Variants in ITSN1 observed in about 807,000 individuals in gnomAD.
ITSN1 encodes intersectin 1.
Under a neutral mutation model 239.8 loss-of-function variants are expected in ITSN1, and 58 were observed. The ratio of observed to expected loss-of-function variants is 0.24; its 90% CI spans 0.20 to 0.30. ITSN1 has a LOEUF of 0.30. Among genes scored for constraint, ITSN1 ranks in the 10% least tolerant of loss-of-function variants. The probability of loss-of-function intolerance (pLI) is 1.00; values close to 1 mark genes in which losing one functional copy is unlikely to be tolerated. For missense variants in ITSN1, 1,558 were observed against 2,103.3 expected, an observed-to-expected ratio of 0.74 and a Z score of 5.07; for synonymous variants, 780 against 770.8, an observed-to-expected ratio of 1.01 and a Z score of -0.20.
At chr21:33,869,066 C>T (rs527831183) in intron 33 of ITSN1, among the ~76,000 whole-genome samples, 1 of 152,218 alleles carries the variant, frequency 6.6e-6, no homozygotes, top group East Asian at 1.9e-4. Flanking sequence ...GGCCCAGTGC[C>T]TCTAGGCCTT....
At chr21:33,764,622 T>C (rs77845111) in intron 9 of ITSN1, among the ~76,000 whole-genome samples, 4,518 of 152,252 alleles carry the variant, frequency 0.03, 241 homozygotes, top group African/African-American at 0.1. Context: ...CTCAGACCTA[T>C]ACTCTAGAAG....
intron 33 of ITSN1, among the ~76,000 whole-genome samples, chr21:33,869,178 G>A (rs1285306741): frequency 1.3e-5 from 2 of 152,176 alleles, no homozygotes; most frequent in Non-Finnish European, 2.9e-5. Context: ...TGTTGTAAAG[G>A]ACTGCCCAAG....
At chr21:33,799,210 A>C (rs2063171350) in intron 18 of ITSN1, among the ~76,000 whole-genome samples, 1 of 152,236 alleles carries the variant, frequency 6.6e-6, no homozygotes, top group Admixed American at 6.5e-5. Context: ...AATTATTTTC[A>C]TCTAGGTTTC....
chr21:33,880,586 G>A (rs1180185841), intron 34 of ITSN1, among the ~76,000 whole-genome samples: 1 of 152,152 alleles, frequency 6.6e-6, no homozygotes, highest in African/African-American at 2.4e-5. Flanking sequence ...CTTTCCAGCT[G>A]CCTTTAGCTC....
chr21:33,796,986 A>G lies in ITSN1; in HGVS notation c.1953-393A>G, dbSNP rs149114266. Among the ~76,000 whole-genome samples the G allele has an allele frequency of 7.2e-3, 1,092 of 152,252 alleles. 13 individuals are homozygous for G. Among genetic ancestry groups the G allele is most frequent in the African/African-American group, 0.025 (1,042 of 41,540 alleles). On this transcript the variant is annotated intron_variant, in intron 17 of 39. Coordinates refer to ENST00000381318, the MANE Select transcript of ITSN1 (RefSeq NM_003024.3). Reference sequence around the variant, plus strand: ...CTTTCAACTTCAGGTTTGGGGAGCAATGTGTGTGCATGTAAATGTGTTGTT... The same window carrying G: ...CTTTCAACTTCAGGTTTGGGGAGCAGTGTGTGTGCATGTAAATGTGTTGTT...
intron 8 of ITSN1, among the ~76,000 whole-genome samples, chr21:33,756,420 GA>G (rs890334121): frequency 6.6e-6 from 1 of 151,932 alleles, no homozygotes; most frequent in Non-Finnish European, 1.5e-5. Context: ...GAAAGGAAGG[GA>G]AAAAAATTAG....
chr21:33,871,803 G>A (rs949624937), intron 33 of ITSN1, among the ~76,000 whole-genome samples: 1 of 152,126 alleles, frequency 6.6e-6, no homozygotes, highest in African/African-American at 2.4e-5. Flanking sequence ...TAGGCAGTAT[G>A]GAATAGCAGT....
chr21:33,761,850 C>G, intron 8 of ITSN1, 73 bp from the exon 9 acceptor site: 1 of 1,094,512 alleles, frequency 9.1e-7, no homozygotes. Context: ...TCCACATACG[C>G]AGAACCCTGG....
intron 1 of ITSN1, among the ~76,000 whole-genome samples, chr21:33,679,788 C>T (rs1434843445): frequency 2.1e-5 from 3 of 145,690 alleles, no homozygotes; most frequent in Non-Finnish European, 4.5e-5. Context: ...AGCTCCGCCT[C>T]CCAGGTTCAT....
At chr21:33,807,394 G>A (rs2072540632) in intron 20 of ITSN1, among the ~76,000 whole-genome samples, 1 of 152,220 alleles carries the variant, frequency 6.6e-6, no homozygotes, top group Admixed American at 6.5e-5. Flanking sequence ...GCTGAGTGCA[G>A]TGGTGTGATT....
chr21:33,789,304 A>G (rs1044541511), intron 16 of ITSN1, among the ~76,000 whole-genome samples: 1 of 152,162 alleles, frequency 6.6e-6, no homozygotes, highest in Non-Finnish European at 1.5e-5. Context: ...AAACACCTGA[A>G]ATTTCTGATG....
chr21:33,661,668 C>A (rs964196969), intron 1 of ITSN1, among the ~76,000 whole-genome samples: 7 of 152,112 alleles, frequency 4.6e-5, no homozygotes, highest in African/African-American at 1.7e-4. Context: ...AATTCCCATG[C>A]GTTATGGGAG....
rs887043866 is a variant in ITSN1, at chr21:33,888,537, C to T, written c.*237C>T. On this transcript the variant is annotated 3_prime_UTR_variant, in exon 40 of 40. Transcript: ENST00000381318. ...TTTCCTTTGTCCTCACTACAGGTCT[C>T]ATTATGGCTTCTAGGGTCGCTGAAA... is the stretch of plus-strand genomic sequence containing the variant. The T allele has an allele frequency of 4.4e-6, 2 of 455,228 alleles. No homozygotes were observed. The highest frequency in any genetic ancestry group is 3.9e-6 in the Non-Finnish European group (1 of 255,776). The allele number at this position is 455,228 out of a possible 1,614,324, so 28.2% of individuals were successfully genotyped here.
chr21:33,848,002 T>C (rs2075037538), intron 29 of ITSN1, among the ~76,000 whole-genome samples: 1 of 152,204 alleles, frequency 6.6e-6, no homozygotes, highest in South Asian at 2.1e-4. Context: ...GTGACCCCAG[T>C]GTGTGGCCAA....
chr21:33,750,287 C>T lies in ITSN1; in HGVS notation c.491C>T (p.Pro164Leu). ...AVPPLANGAP[P>L]VIQPLPAFAH... Reference sequence around the variant, plus strand: ...CCCCCCCTGGCTAACGGGGCTCCCCCTGTTATACAACCTCTGCCTGCATTT... The same window carrying T: ...CCCCCCCTGGCTAACGGGGCTCCCCTTGTTATACAACCTCTGCCTGCATTT... The change falls in exon 6 of 40, where the codon CCT becomes CTT. Residue 164 changes from proline to leucine, a missense_variant. Pro to Leu is a moderately conservative substitution (Grantham distance 98). Coordinates refer to ENST00000381318, the MANE Select transcript of ITSN1 (RefSeq NM_003024.3). 6.2e-7 allele frequency: 1 copy of T among 1,613,738 alleles called. No individual in the cohort carries two copies. Among genetic ancestry groups the T allele is most frequent in the Non-Finnish European group, 8.5e-7 (1 of 1,180,038 alleles).
intron 27 of ITSN1, among the ~76,000 whole-genome samples, chr21:33,832,323 G>A (rs2074342077): frequency 6.6e-6 from 1 of 152,192 alleles, no homozygotes; most frequent in South Asian, 2.1e-4. Context: ...CTGGCCCCGT[G>A]CCGGCACCAC....
chr21:33,817,546 G>A (rs953886507), intron 22 of ITSN1: 88 of 1,304,072 alleles, frequency 6.7e-5, no homozygotes, highest in Non-Finnish European at 7.9e-5. Context: ...TGGTACACTT[G>A]GTTGTTTTTA....
chr21:33,759,360 A>C (rs1332924754), intron 8 of ITSN1, among the ~76,000 whole-genome samples: 2 of 152,230 alleles, frequency 1.3e-5, no homozygotes, highest in African/African-American at 4.8e-5. Context: ...GTCACATGCC[A>C]TTAGGGAGTC....
chr21:33,818,974 C>G (rs1412222126), intron 23 of ITSN1, among the ~76,000 whole-genome samples: 1 of 152,172 alleles, frequency 6.6e-6, no homozygotes, highest in East Asian at 1.9e-4. Context: ...ATTCAATGAG[C>G]ATCTCTCAGT....
Sources: allele counts gnomAD v4.1 joint callset (sites outside exome capture counted in the v4.1 genomes callset), GRCh38; gene constraint gnomAD v4.1.1; transcripts MANE v1.5; gene names NCBI Gene and HGNC (gene_info 2026-07-23, HGNC 2026-07-21).